AGBL3: variants seen among roughly 807,000 people sequenced by gnomAD.
The protein encoded by AGBL3 is cytosolic carboxypeptidase 3.
A neutral mutation model predicts 94.5 loss-of-function variants in AGBL3; 68 were observed. The observed-to-expected ratio is 0.72, with a 90% confidence interval of 0.59 to 0.88. The LOEUF is 0.88. Ranked by LOEUF, AGBL3 falls within the 40% of genes least tolerant of loss-of-function variation. The pLI, the probability that AGBL3 is intolerant of heterozygous loss-of-function variation, is 0.00. For missense variants in AGBL3, 934 were observed against 1,103.8 expected (o/e 0.85, Z 2.18); for synonymous variants, 354 against 370.7 (o/e 0.95, Z 0.52).
Position 135,073,471 on chromosome 7 carries a change from A to AAAAT in AGBL3, c.1909-2886_1909-2883dup, listed in dbSNP as rs138457438. Among the ~76,000 whole-genome samples, 408 of 126,154 alleles carry AAAAT rather than the reference A, an allele frequency of 3.2e-3. 1 individual carries two copies. Among genetic ancestry groups the AAAAT allele is most frequent in the African/African-American group, 5.7e-3 (203 of 35,528 alleles). The allele number at this position is 126,154 out of a possible 152,430, so 82.8% of individuals were successfully genotyped here. On this transcript the variant is annotated intron_variant, in intron 12 of 16. Transcript: ENST00000436302. ...ACGTGACAGTGCAAGACTCCGTCTC[A>AAAAT]AAATAAATAAATAAATAAATAAATA... is the stretch of plus-strand genomic sequence containing the variant.
At chr7:135,027,195 G>A (rs997187522) in intron 5 of AGBL3, among the ~76,000 whole-genome samples, 5 of 151,246 alleles carry the variant, frequency 3.3e-5, no homozygotes, top group Admixed American at 3.3e-4. Flanking sequence ...ACTAGGGTGC[G>A]CACCACCATG....
At chr7:135,073,346 C>T (rs893115979) in intron 12 of AGBL3, among the ~76,000 whole-genome samples, 2 of 151,798 alleles carry the variant, frequency 1.3e-5, no homozygotes, top group East Asian at 1.9e-4. Context: ...GGTGGGTGCC[C>T]GTAATCCCAG....
intron 15 of AGBL3, among the ~76,000 whole-genome samples, chr7:135,109,195 A>G (rs1311588638): frequency 1.3e-5 from 2 of 152,162 alleles, no homozygotes; most frequent in Admixed American, 6.5e-5. Context: ...ATTTCAACCA[A>G]CTCAGGTTAA....
At chr7:135,129,633 C>G (rs1828446901) in intron 16 of AGBL3, 1 of 779,208 alleles carries the variant, frequency 1.3e-6, no homozygotes, top group East Asian at 2.4e-5. Context: ...ATGTCTTAAA[C>G]AGCTGTTTTA....
chr7:135,053,628 A>T (rs1176557338), intron 11 of AGBL3, among the ~76,000 whole-genome samples: 1 of 152,026 alleles, frequency 6.6e-6, no homozygotes, highest in Non-Finnish European at 1.5e-5. Flanking sequence ...AACAAAACAA[A>T]ACAAAACACA....
chr7:135,088,862 G>A (rs972787413), intron 15 of AGBL3, among the ~76,000 whole-genome samples: 2 of 152,140 alleles, frequency 1.3e-5, no homozygotes, highest in Non-Finnish European at 2.9e-5. Flanking sequence ...CCTTTTTCCA[G>A]TTAAGTCTAT....
intron 7 of AGBL3, 26 bp downstream of exon 7, chr7:135,034,954 G>A: frequency 6.9e-7 from 1 of 1,448,652 alleles, no homozygotes; most frequent in Non-Finnish European, 9.1e-7. Flanking sequence ...AATTACCTCT[G>A]TGCTTATTTA....
At chr7:135,017,592 TTGC>T (rs1813953744) in intron 5 of AGBL3, among the ~76,000 whole-genome samples, 1 of 152,142 alleles carries the variant, frequency 6.6e-6, no homozygotes, top group Non-Finnish European at 1.5e-5. Flanking sequence ...CTGCCCCACT[TTGC>T]AAAAAATCAA....
chr7:135,109,651 C>T (rs1329994767), intron 15 of AGBL3, among the ~76,000 whole-genome samples: 1 of 152,188 alleles, frequency 6.6e-6, no homozygotes, highest in Non-Finnish European at 1.5e-5. Context: ...GAAACTGTTG[C>T]TGACAGAAAA....
Position 135,045,724 on chromosome 7 carries a change from G to A in AGBL3, c.1729-75G>A, listed in dbSNP as rs1414066453. Reference sequence around the variant, plus strand: ...TTTCCCAGTAACAATTGTTCCAGGTGTCTATAAATACTCAAATAGTTTAAT... The same window carrying A: ...TTTCCCAGTAACAATTGTTCCAGGTATCTATAAATACTCAAATAGTTTAAT... On this transcript the variant is annotated intron_variant, in intron 10 of 16. Transcript: ENST00000436302. The A allele has an allele frequency of 3.0e-6, 4 of 1,330,920 alleles. No individual in the cohort carries two copies. In the East Asian group the frequency reaches 7.5e-5, roughly 25 times the overall value. The allele number at this position is 1,330,920 out of a possible 1,614,324, so 82.4% of individuals were successfully genotyped here. A position where few individuals can be genotyped will look rare whatever the true frequency, so the allele number is the denominator to read the frequency against.
chr7:135,058,340 C>CA (rs1818515986), intron 11 of AGBL3, among the ~76,000 whole-genome samples: 1 of 151,758 alleles, frequency 6.6e-6, no homozygotes, highest in African/African-American at 2.4e-5. Context: ...GGCTCTCAAG[C>CA]AAAAAAACGT....
At chr7:135,104,701 A>G (rs1041227833) in intron 15 of AGBL3, among the ~76,000 whole-genome samples, 3 of 151,242 alleles carry the variant, frequency 2.0e-5, no homozygotes, top group African/African-American at 7.3e-5. Context: ...TTTATTTCAT[A>G]TGCCTTTTGG....
chr7:135,132,122 C>T (rs1050803657), intron 16 of AGBL3, among the ~76,000 whole-genome samples: 1 of 152,114 alleles, frequency 6.6e-6, no homozygotes, highest in African/African-American at 2.4e-5. Context: ...CAATTCTATA[C>T]AATTTCTTCC....
chr7:134,995,060 A>T (rs954622934), intron 4 of AGBL3, among the ~76,000 whole-genome samples: 1 of 152,146 alleles, frequency 6.6e-6, no homozygotes, highest in Non-Finnish European at 1.5e-5. Flanking sequence ...CATGCTACTG[A>T]ATTTAAACCT....
chr7:135,071,282 A>T (rs1247405026), intron 12 of AGBL3, among the ~76,000 whole-genome samples: 1 of 152,116 alleles, frequency 6.6e-6, no homozygotes, highest in Non-Finnish European at 1.5e-5. Flanking sequence ...ATATCGTGAA[A>T]ATGGTAAATT....
At position 135,134,698 on chromosome 7, in the gene AGBL3, C is replaced by T. The variant is rs571346751; in HGVS notation, c.2343-143C>T. 5.2e-4 allele frequency: 404 copies of T among 778,924 alleles called. 6 individuals carry two copies. The South Asian group carries it at 8.2e-3, about 16-fold the overall frequency. The allele number at this position is 778,924 out of a possible 1,614,324, so 48.3% of individuals were successfully genotyped here. On this transcript the variant is annotated intron_variant, in intron 16 of 16. Transcript: ENST00000436302. ...AAATCATGATCAGAGATGAAGACTT[C>T]TAAATGATGGTAAAATTCTTAAACT...
chr7:135,036,857 A>G (rs1816359613), intron 7 of AGBL3, among the ~76,000 whole-genome samples: 1 of 152,124 alleles, frequency 6.6e-6, no homozygotes, highest in Admixed American at 6.5e-5. Context: ...AAGCAGAGAG[A>G]TCTTGTTGGA....
intron 8 of AGBL3, among the ~76,000 whole-genome samples, chr7:135,042,092 G>A (rs561671938): frequency 1.6e-4 from 25 of 152,220 alleles, no homozygotes; most frequent in African/African-American, 6.0e-4. Context: ...ATGCAAAATG[G>A]TATATCATTT....
chr7:135,111,530 T>A (rs1825634374), intron 15 of AGBL3, among the ~76,000 whole-genome samples: 1 of 152,126 alleles, frequency 6.6e-6, no homozygotes, highest in South Asian at 2.1e-4. Context: ...CATCCAGTTA[T>A]CTAAGTAATA....
Sources: gnomAD v4.1 joint callset for allele counts (sites outside exome capture counted in the v4.1 genomes callset) on GRCh38, gnomAD v4.1.1 for gene constraint, MANE v1.5 for transcripts, NCBI Gene and HGNC (gene_info 2026-07-23, HGNC 2026-07-21) for gene names.